Variants in CCBE1 observed in about 807,000 individuals in gnomAD.
The protein encoded by CCBE1 is collagen and calcium binding EGF domains 1.
Under a neutral mutation model 50.0 loss-of-function variants are expected in CCBE1, and 37 were observed. The ratio of observed to expected loss-of-function variants is 0.74; its 90% CI spans 0.57 to 0.97. The LOEUF is 0.97. CCBE1 is among the 50% of genes least tolerant of loss of function. CCBE1 has a pLI of 0.00. For missense variants in CCBE1, 538 were observed against 523.8 expected (o/e 1.03, Z -0.26); for synonymous variants, 234 against 203.7 (o/e 1.15, Z -1.27).
chr18:59,477,224 A>T (rs1043588464), intron 3 of CCBE1, among the ~76,000 whole-genome samples: 1 of 152,234 alleles, frequency 6.6e-6, no homozygotes, highest in Non-Finnish European at 1.5e-5. Context: ...GAATGTCTGG[A>T]ACACCAGAAA....
intron 2 of CCBE1, among the ~76,000 whole-genome samples, chr18:59,633,053 G>C (rs1184537096): frequency 6.6e-6 from 1 of 152,182 alleles, no homozygotes; most frequent in Non-Finnish European, 1.5e-5. Context: ...ATTAGTAAGA[G>C]GGGACAATCC....
intron 2 of CCBE1, among the ~76,000 whole-genome samples, chr18:59,580,836 G>A (rs2053073931): frequency 6.6e-6 from 1 of 152,208 alleles, no homozygotes; most frequent in Non-Finnish European, 1.5e-5. Context: ...ACACATCTGT[G>A]GGTGACTAGA....
intron 6 of CCBE1, among the ~76,000 whole-genome samples, chr18:59,448,708 C>T (rs1460911152): frequency 6.6e-6 from 1 of 152,228 alleles, no homozygotes; most frequent in Non-Finnish European, 1.5e-5. Flanking sequence ...TTCATATACA[C>T]ATGTATCCCA....
At chr18:59,583,682 C>CGTGTGT (rs1568218503) in intron 2 of CCBE1, among the ~76,000 whole-genome samples, 3 of 35,948 alleles carry the variant, frequency 8.3e-5, no homozygotes, top group African/African-American at 1.9e-4. Context: ...TGTGTGTGTG[C>CGTGTGT]GCGCGCGCGC....
At chr18:59,621,593 T>C (rs1205637724) in intron 2 of CCBE1, among the ~76,000 whole-genome samples, 1 of 152,168 alleles carries the variant, frequency 6.6e-6, no homozygotes, top group East Asian at 1.9e-4. Flanking sequence ...GAACAATCCT[T>C]CAAGTAACAC....
chr18:59,526,652 A>G (rs925693567), intron 2 of CCBE1, among the ~76,000 whole-genome samples: 2 of 152,154 alleles, frequency 1.3e-5, no homozygotes, highest in East Asian at 1.9e-4. Context: ...ATTTAGTGCT[A>G]TAAAATTTCC....
At chr18:59,475,714 T>A (rs1487408984) in intron 3 of CCBE1, among the ~76,000 whole-genome samples, 1 of 147,014 alleles carries the variant, frequency 6.8e-6, no homozygotes, top group African/African-American at 2.4e-5. Flanking sequence ...GCTATATTTA[T>A]TTATTATTTA....
rs536621845 is a variant in CCBE1, at chr18:59,568,205, C to A, written c.213-87967G>T. On this transcript the variant is annotated intron_variant, in intron 2 of 10. Transcript: ENST00000439986. ...TTTTTGGCAGAATGTGAGGTTCTGC[C>A]CTGTTGTAACAATGCTGTCTTCTCA... 10 of 151,492 alleles carry A rather than the reference C, an allele frequency of 6.6e-5. No homozygotes were observed. The East Asian group carries it at 1.7e-3, about 26-fold the overall frequency. The allele number at this position is 151,492 out of a possible 1,614,324, so 9.4% of individuals were successfully genotyped here.
At chr18:59,494,337 T>A (rs1913248234) in intron 2 of CCBE1, among the ~76,000 whole-genome samples, 1 of 152,154 alleles carries the variant, frequency 6.6e-6, no homozygotes. Flanking sequence ...TGGGGAATAA[T>A]TTTCTCCATC....
chr18:59,513,110 C>T (rs1261834592), intron 2 of CCBE1, among the ~76,000 whole-genome samples: 2 of 152,152 alleles, frequency 1.3e-5, no homozygotes, highest in Non-Finnish European at 2.9e-5. Flanking sequence ...GAGCTCGAGA[C>T]CAGCCCAGCC....
chr18:59,665,164 G>A (rs1406831477), intron 2 of CCBE1, among the ~76,000 whole-genome samples: 2 of 124,116 alleles, frequency 1.6e-5, no homozygotes, highest in Non-Finnish European at 3.3e-5. Flanking sequence ...TGTGTTCCCT[G>A]TCAACCAGAG....
chr18:59,659,295 G>GT (rs56267729), intron 2 of CCBE1, among the ~76,000 whole-genome samples: 46,725 of 147,896 alleles, frequency 0.32, 7,427 homozygotes, highest in Non-Finnish European at 0.37. Context: ...GAATTTACAT[G>GT]TTTTTTTTTT....
chr18:59,568,366 A>T (rs572559870), intron 2 of CCBE1: 1 of 152,322 alleles, frequency 6.6e-6, no homozygotes, highest in African/African-American at 2.4e-5. Flanking sequence ...TACAGATGTG[A>T]CTGAAAACAC....
chr18:59,477,876 G>T lies in CCBE1; in HGVS notation c.265+2310C>A, dbSNP rs1326384642. Among the ~76,000 whole-genome samples the T allele has an allele frequency of 2.0e-5, 3 of 152,278 alleles. No homozygotes were observed. In the East Asian group the frequency reaches 5.8e-4, roughly 29 times the overall value. Reference sequence around the variant, plus strand: ...TGCATATGGGTGCCAAGTTGACAAGGCATAGATTTGTGATAATTTTTTGTG... The same window carrying T: ...TGCATATGGGTGCCAAGTTGACAAGTCATAGATTTGTGATAATTTTTTGTG... On this transcript the variant is annotated intron_variant, in intron 3 of 10. Coordinates refer to ENST00000439986, the MANE Select transcript of CCBE1 (RefSeq NM_133459.4).
chr18:59,644,813 C>G (rs754377879), intron 2 of CCBE1, among the ~76,000 whole-genome samples: 85 of 152,128 alleles, frequency 5.6e-4, no homozygotes, highest in Non-Finnish European at 1.1e-3. Flanking sequence ...TTGCCAATTC[C>G]TACATTTTAA....
intron 3 of CCBE1, among the ~76,000 whole-genome samples, chr18:59,473,488 A>T (rs1048163426): frequency 6.6e-6 from 1 of 152,154 alleles, no homozygotes; most frequent in East Asian, 1.9e-4. Context: ...TTTTTGAATT[A>T]TATCTTTAAG....
At chr18:59,688,700 C>T (rs970002945) in intron 2 of CCBE1, among the ~76,000 whole-genome samples, 1 of 152,160 alleles carries the variant, frequency 6.6e-6, no homozygotes, top group South Asian at 2.1e-4. Context: ...ATGCTCATTT[C>T]GAGTATCACT....
At chr18:59,634,596 G>T (rs2144633334) in intron 2 of CCBE1, among the ~76,000 whole-genome samples, 1 of 152,194 alleles carries the variant, frequency 6.6e-6, no homozygotes, top group South Asian at 2.1e-4. Flanking sequence ...GTAAAAACAA[G>T]AAATAGCAAA....
Position 59,659,072 on chromosome 18 carries a change from G to A in CCBE1, c.212+37557C>T, listed in dbSNP as rs1033584481. Among the ~76,000 whole-genome samples, 10 of 152,050 alleles carry A rather than the reference G, an allele frequency of 6.6e-5. 1 individual carries two copies. The highest frequency in any genetic ancestry group is 1.4e-4 in the African/African-American group (6 of 41,394). On this transcript the variant is annotated intron_variant, in intron 2 of 10. Transcript: ENST00000439986. ...ATGGAAAAGAAAAGCAAGCGAGCCC[G>A]TGCATGCCACGCGTTCCTTTGCACG...
Sources: gnomAD v4.1 joint callset for allele counts (sites outside exome capture counted in the v4.1 genomes callset) on GRCh38, gnomAD v4.1.1 for gene constraint, MANE v1.5 for transcripts, NCBI Gene and HGNC (gene_info 2026-07-23, HGNC 2026-07-21) for gene names.